The following CYLC1 variants were observed in gnomAD, a reference collection of about 807,000 sequenced individuals.
CYLC1 encodes the protein cylicin 1, also known as cylicin-1.
A neutral mutation model predicts 31.6 loss-of-function variants in CYLC1; 2 were observed. The ratio of observed to expected loss-of-function variants is 0.06; its 90% CI spans 0.03 to 0.20. The LOEUF is 0.20. Ranked by LOEUF, CYLC1 falls within the 10% of genes least tolerant of loss-of-function variation. The pLI, the probability that CYLC1 is intolerant of heterozygous loss-of-function variation, is 1.00. For missense variants in CYLC1, 595 were observed against 424.1 expected (o/e 1.40, Z -3.54); for synonymous variants, 185 against 153.0 (o/e 1.21, Z -1.54).
chrX:83,873,505 G>A lies in CYLC1; in HGVS notation c.797G>A (p.Arg266Lys), dbSNP rs2031706061. ...DESINFDAWL[R>K]NYSQNNSKNY... ...TCCATAAATTTTGATGCATGGTTAA[G>A]GAATTACTCACAGAATAATTCAAAG... is the stretch of plus-strand genomic sequence containing the variant. The change falls in exon 4 of 5, where the codon AGG (arginine) becomes AAG (lysine). Residue 266 changes from arginine to lysine, a missense_variant. Transcript: ENST00000329312. 4 of 1,191,727 alleles carry A rather than the reference G, an allele frequency of 3.4e-6. No homozygotes were observed. Among genetic ancestry groups the A allele is most frequent in the Non-Finnish European group, 4.5e-6 (4 of 880,554 alleles).
At chrX:83,868,739 A>C (rs757841125) in intron 1 of CYLC1, among the ~76,000 whole-genome samples, 98 of 111,261 alleles carry the variant, frequency 8.8e-4, no homozygotes, top group South Asian at 7.3e-3. Flanking sequence ...TATTCCACAT[A>C]ATTAGTTATG....
intron 4 of CYLC1, among the ~76,000 whole-genome samples, chrX:83,878,092 G>C (rs1182090143): frequency 2.5e-5 from 1 of 40,199 alleles, no homozygotes; most frequent in African/African-American, 1.1e-4. Flanking sequence ...ATATATATTT[G>C]TATATAAATA....
chrX:83,884,466 C>G (rs1421416697), intron 4 of CYLC1, among the ~76,000 whole-genome samples: 1 of 110,688 alleles, frequency 9.0e-6, no homozygotes, highest in African/African-American at 3.3e-5. Flanking sequence ...GTTTTTATTT[C>G]ATTTGCTTTT....
intron 1 of CYLC1, 149 bp from the exon 2 acceptor site, chrX:83,869,716 G>A (rs2031637438): frequency 4.3e-6 from 1 of 229,893 alleles, no homozygotes; most frequent in African/African-American, 2.9e-5. Flanking sequence ...ATAATAATGA[G>A]TGACAATAAG....
At chrX:83,882,284 C>G (rs1350524655) in intron 4 of CYLC1, among the ~76,000 whole-genome samples, 1 of 111,155 alleles carries the variant, frequency 9.0e-6, no homozygotes, top group Admixed American at 9.6e-5. Flanking sequence ...CTTCTTCTCT[C>G]TAATTGAGTC....
intron 1 of CYLC1, among the ~76,000 whole-genome samples, chrX:83,868,713 C>T (rs1287836756): frequency 2.7e-5 from 3 of 111,026 alleles, no homozygotes; most frequent in Non-Finnish European, 5.7e-5. Context: ...CTATATAGGT[C>T]TCTTATTTTG....
At chrX:83,872,601 A>T (rs1429369384) in intron 3 of CYLC1, among the ~76,000 whole-genome samples, 1 of 109,377 alleles carries the variant, frequency 9.1e-6, no homozygotes, top group Admixed American at 9.9e-5. Context: ...CTGGAATGTC[A>T]TGAGTCACTG....
intron 1 of CYLC1, chrX:83,864,630 C>T (rs753713988): frequency 4.4e-5 from 11 of 250,179 alleles, no homozygotes; most frequent in Non-Finnish European, 8.1e-5. Context: ...GGAGAGTTGG[C>T]AAAATTCATT....
intron 1 of CYLC1, 51 bp from the exon 2 acceptor site, chrX:83,869,814 A>T (rs1390429833): frequency 1.6e-6 from 1 of 632,757 alleles, no homozygotes; most frequent in Non-Finnish European, 2.1e-6. Flanking sequence ...AGTTATTTTT[A>T]TTTATTGCCC....
At chrX:83,866,765 G>A (rs1364026514) in intron 1 of CYLC1, among the ~76,000 whole-genome samples, 1 of 88,478 alleles carries the variant, frequency 1.1e-5, no homozygotes, top group Non-Finnish European at 2.4e-5. Flanking sequence ...ATATTGTCCA[G>A]CCCCACTCAG....
chrX:83,861,310 T>C (rs1366293221), intron 1 of CYLC1, 111 bp downstream of exon 1: 3 of 543,684 alleles, frequency 5.5e-6, no homozygotes, highest in South Asian at 8.0e-5. Flanking sequence ...AGTCGTTTTA[T>C]TTATGAATTA....
At position 83,869,882 on chromosome X, in the gene CYLC1, G is replaced by A. The variant is rs761315149; in HGVS notation, c.35G>A (p.Arg12Lys). ...TTTAATAGGCTAAAAGTAAACATCA[G>A]AACATATGATAATTCCATTCCAAGT... The part of the protein sequence containing the change: ...SLPRLLKVNI[R>K]TYDNSIPISE... Residue 12 changes from arginine (R) to lysine (K), a missense_variant, in exon 2 of 5, where the codon AGA (arginine) becomes AAA (lysine). Transcript: ENST00000329312. The A allele has an allele frequency of 2.4e-6, 2 of 829,015 alleles. No individual in the cohort carries two copies. Among genetic ancestry groups the A allele is most frequent in the South Asian group, 7.5e-5 (2 of 26,717 alleles). The allele number at this position is 829,015 out of a possible 1,213,427, so 68.3% of individuals were successfully genotyped here.
chrX:83,881,369 A>C (rs1351783574), intron 4 of CYLC1, among the ~76,000 whole-genome samples: 1 of 110,776 alleles, frequency 9.0e-6, no homozygotes, highest in East Asian at 2.8e-4. Flanking sequence ...CTAAAATGAA[A>C]AATTGAACTA....
intron 1 of CYLC1, among the ~76,000 whole-genome samples, chrX:83,864,322 A>G (rs2031560376): frequency 9.0e-6 from 1 of 110,711 alleles, no homozygotes. Flanking sequence ...GTTAACTCAT[A>G]TTCTTCCATA....
Sources: allele counts gnomAD v4.1 joint callset (sites outside exome capture counted in the v4.1 genomes callset), GRCh38; gene constraint gnomAD v4.1.1; transcripts MANE v1.5; gene names NCBI Gene and HGNC (gene_info 2026-07-23, HGNC 2026-07-21).